The following PRR16 variants were observed in gnomAD, a reference collection of about 807,000 sequenced individuals.
PRR16 encodes protein Largen.
Under a neutral mutation model 18.2 loss-of-function variants are expected in PRR16, and 6 were observed. That is an observed-to-expected ratio of 0.33 (90% CI 0.18 to 0.65). The LOEUF (loss-of-function observed/expected upper bound fraction) is 0.65, where lower values mean the gene tolerates loss of function less well. PRR16 is among the 30% of genes least tolerant of loss of function. PRR16 has a pLI of 0.74. For missense variants in PRR16, 412 were observed against 376.6 expected (o/e 1.09, Z -0.78); for synonymous variants, 151 against 147.8 (o/e 1.02, Z -0.16).
chr5:120,659,027 C>G (rs143189374), intron 1 of PRR16, among the ~76,000 whole-genome samples: 1 of 151,952 alleles, frequency 6.6e-6, no homozygotes, highest in Admixed American at 6.6e-5. Flanking sequence ...CTGCGACCCC[C>G]CATCATAGTT....
chr5:120,756,834 G>C, the PRR16 span, among the ~76,000 whole-genome samples: 1 of 151,934 alleles, frequency 6.6e-6, no homozygotes, highest in African/African-American at 2.4e-5. Context: ...TTTTGTTGCA[G>C]TTGCTTTTTA....
chr5:120,525,700 A>T (rs1282881236), intron 1 of PRR16, among the ~76,000 whole-genome samples: 1 of 151,728 alleles, frequency 6.6e-6, no homozygotes, highest in Non-Finnish European at 1.5e-5. Flanking sequence ...CTTGAAAGTA[A>T]TTAATGTAGA....
chr5:120,561,601 T>C (rs1463911195), intron 1 of PRR16, among the ~76,000 whole-genome samples: 2 of 152,116 alleles, frequency 1.3e-5, no homozygotes, highest in East Asian at 3.9e-4. Context: ...AGCCTTTGGA[T>C]AAAATGTTAT....
chr5:120,588,353 G>C (rs59544589), intron 1 of PRR16, among the ~76,000 whole-genome samples: 2,694 of 152,184 alleles, frequency 0.018, 102 homozygotes, highest in African/African-American at 0.06. Context: ...CATGCTACAC[G>C]TAAGTCTTTT....
the PRR16 span, among the ~76,000 whole-genome samples, chr5:120,693,172 C>G: frequency 6.6e-6 from 1 of 152,100 alleles, no homozygotes; most frequent in Non-Finnish European, 1.5e-5. Context: ...AAAATATCAA[C>G]TCGAAACAAG....
At chr5:120,658,163 T>C (rs1756048955) in intron 1 of PRR16, 2 of 151,858 alleles carry the variant, frequency 1.3e-5, no homozygotes, top group African/African-American at 4.8e-5. Flanking sequence ...TTCTTGCACT[T>C]TTTTTTTCTG....
At chr5:120,706,101 T>C in the PRR16 span, among the ~76,000 whole-genome samples, 1 of 152,136 alleles carries the variant, frequency 6.6e-6, no homozygotes, top group Non-Finnish European at 1.5e-5. Context: ...CGGTAAATAA[T>C]AACAAGAGAA....
the PRR16 span, among the ~76,000 whole-genome samples, chr5:120,747,739 T>G: frequency 6.6e-6 from 1 of 151,668 alleles, no homozygotes; most frequent in Non-Finnish European, 1.5e-5. Flanking sequence ...GAAAACAATT[T>G]AAGGAAGGAA....
chr5:120,582,446 T>C (rs1753303980), intron 1 of PRR16, among the ~76,000 whole-genome samples: 1 of 151,780 alleles, frequency 6.6e-6, no homozygotes, highest in Admixed American at 6.6e-5. Flanking sequence ...CCCCTGAATC[T>C]AAAATAAAAT....
chr5:120,668,374 A>G (rs542605991), intron 1 of PRR16, among the ~76,000 whole-genome samples: 119 of 149,750 alleles, frequency 7.9e-4, no homozygotes, highest in African/African-American at 2.7e-3. Flanking sequence ...GGTTTCCTGA[A>G]TACAGCACAC....
chr5:120,492,991 C>T (rs939148711), intron 1 of PRR16, among the ~76,000 whole-genome samples: 10 of 152,306 alleles, frequency 6.6e-5, no homozygotes, highest in Admixed American at 2.6e-4. Context: ...TCCACATCCT[C>T]GGAATTGTTA....
At chr5:120,501,225 G>A (rs920825690) in intron 1 of PRR16, among the ~76,000 whole-genome samples, 1 of 152,142 alleles carries the variant, frequency 6.6e-6, no homozygotes, top group African/African-American at 2.4e-5. Flanking sequence ...CTCTTTGTAG[G>A]TGTCACATTT....
chr5:120,706,399 G>C, the PRR16 span, among the ~76,000 whole-genome samples: 2 of 152,036 alleles, frequency 1.3e-5, no homozygotes, highest in Admixed American at 6.6e-5. Context: ...TTCTGGCCAG[G>C]TTGTTTATTG....
chr5:120,784,774 C>T, the PRR16 span, among the ~76,000 whole-genome samples: 1 of 152,140 alleles, frequency 6.6e-6, no homozygotes, highest in African/African-American at 2.4e-5. Flanking sequence ...GCACGTTTTA[C>T]ATTTTTTGCT....
chr5:120,523,468 T>A (rs561091057), intron 1 of PRR16, among the ~76,000 whole-genome samples: 1 of 152,294 alleles, frequency 6.6e-6, no homozygotes, highest in East Asian at 1.9e-4. Flanking sequence ...CATTTATTTG[T>A]ATTTGTGAGT....
chr5:120,497,054 A>C (rs1328675159), intron 1 of PRR16, among the ~76,000 whole-genome samples: 1 of 152,134 alleles, frequency 6.6e-6, no homozygotes, highest in African/African-American at 2.4e-5. Context: ...ATTCTATTGA[A>C]GTAAGAGAAC....
rs927869924 is a variant in PRR16 at position 120,649,140 on chromosome 5, T to C, written c.160-36814T>C. On this transcript the variant is annotated intron_variant, in intron 1 of 1. Transcript: ENST00000407149. The stretch of plus-strand genomic sequence containing the variant: ...GGCTCGAGCACACCACTGGGGTGGA[T>C]TGGAAGAAGATATAACTTAAGTCAT... Among the ~76,000 whole-genome samples, 5 of 152,168 alleles carry C rather than the reference T, an allele frequency of 3.3e-5. No individual in the cohort carries two copies. The South Asian group carries it at 6.2e-4, about 19-fold the overall frequency.
chr5:120,665,399 C>G (rs76952964), intron 1 of PRR16, among the ~76,000 whole-genome samples: 64,015 of 151,400 alleles, frequency 0.42, 14,429 homozygotes, highest in East Asian at 0.86. Context: ...TTCTCCCATT[C>G]TGTAGGTTGC....
At chr5:120,611,260 C>G (rs1754324443) in intron 1 of PRR16, among the ~76,000 whole-genome samples, 1 of 152,170 alleles carries the variant, frequency 6.6e-6, no homozygotes, top group African/African-American at 2.4e-5. Context: ...CAGTTTGCAG[C>G]CTGACTATGT....
Sources: gnomAD v4.1 joint callset for allele counts (sites outside exome capture counted in the v4.1 genomes callset) on GRCh38, gnomAD v4.1.1 for gene constraint, MANE v1.5 for transcripts, NCBI Gene and HGNC (gene_info 2026-07-23, HGNC 2026-07-21) for gene names.